The following ERN2 variants were observed in gnomAD, a reference collection of about 807,000 sequenced individuals.
ERN2 encodes serine/threonine-protein kinase/endoribonuclease IRE2.
In ERN2, 111 loss-of-function variants were observed where a neutral mutation model predicts 107.9. That is an observed-to-expected ratio of 1.03 (90% confidence interval 0.88 to 1.20). ERN2 has a LOEUF of 1.20. Among genes scored for constraint, ERN2 ranks in the 50% most tolerant of loss-of-function variants. The pLI is 0.00. For synonymous variants in ERN2, 524 were observed against 501.7 expected, an observed-to-expected ratio of 1.04 and a Z score of -0.59; for missense variants, 1,225 against 1,197.9, an observed-to-expected ratio of 1.02 and a Z score of -0.33.
At chr16:23,696,203 G>A (rs977278836) in intron 13 of ERN2, among the ~76,000 whole-genome samples, 24 of 152,264 alleles carry the variant, frequency 1.6e-4, no homozygotes, top group African/African-American at 5.1e-4. Flanking sequence ...CTGTGCCCTC[G>A]GTATTCTCAT....
At chr16:23,691,578 C>T (rs1347912914) in intron 19 of ERN2, among the ~76,000 whole-genome samples, 153 bp from the exon 20 acceptor site, 1 of 152,218 alleles carries the variant, frequency 6.6e-6, no homozygotes, top group African/African-American at 2.4e-5. Flanking sequence ...TGTTATTTAC[C>T]ACCAACCTAT....
intron 11 of ERN2, 74 bp from the exon 12 acceptor site, chr16:23,701,188 C>A: frequency 1.3e-6 from 2 of 1,514,586 alleles, no homozygotes; most frequent in Admixed American, 1.9e-5. Context: ...CATCACCCAG[C>A]ACAGAGCTGG....
intron 17 of ERN2, 32 bp from the exon 18 acceptor site, chr16:23,692,363 A>G (rs750262156): frequency 6.2e-7 from 1 of 1,605,464 alleles, no homozygotes; most frequent in Admixed American, 1.7e-5. Context: ...TGAGAAGGAA[A>G]TCTCTGCTTC....
chr16:23,705,103 C>T lies in ERN2; in HGVS notation c.634G>A (p.Val212Met), dbSNP rs201015165. ...ASCGMGLLLT[V>M]DPGSGTVLWT... Reference sequence around the variant, plus strand: ...AGCACCGTCCCGCTTCCTGGGTCCACAGTGAGCAGCAGGCCCATCCCGCAG... The same window carrying T: ...AGCACCGTCCCGCTTCCTGGGTCCATAGTGAGCAGCAGGCCCATCCCGCAG... The change falls in exon 8 of 22, where the codon GTG becomes ATG. Residue 212 changes from valine (V) to methionine (M), a missense_variant. By Grantham distance (21) the Val-to-Met change is conservative. Coordinates refer to ENST00000256797, the MANE Select transcript of ERN2 (RefSeq NM_033266.4). 1.2e-6 allele frequency: 2 copies of T among 1,613,854 alleles called. No homozygotes were observed. Among genetic ancestry groups the T allele is most frequent in the African/African-American group, 1.3e-5 (1 of 75,058 alleles).
At chr16:23,713,049 C>A in intron 1 of ERN2, 46 bp downstream of exon 1, 1 of 1,414,130 alleles carries the variant, frequency 7.1e-7, no homozygotes, top group East Asian at 2.7e-5. Flanking sequence ...CCCCCTGCGC[C>A]CCGCGACCAG....
In ERN2 at chr16:23,695,894, C is replaced by T. The variant is rs56176960; in HGVS notation, c.1610G>A (p.Arg537Gln). The T allele has an allele frequency of 1.4e-3, 2,278 of 1,613,474 alleles. 5 individuals carry two copies. The highest frequency in any genetic ancestry group is 1.6e-3 in the Non-Finnish European group (1,894 of 1,179,512). The part of the protein sequence containing the change: ...GRGAGGTFVF[R>Q]GQFEGRAVAV... The stretch of plus-strand genomic sequence containing the variant: ...AGCTTGGCTCCTGGCTGCCACTCAC[C>T]GGAAAACGAAAGTCCCGCCTGCCCC... Residue 537 changes from arginine to glutamine, a missense_variant and splice_region_variant, in exon 14 of 22, where the codon CGG becomes CAG. Transcript: ENST00000256797.
intron 4 of ERN2, among the ~76,000 whole-genome samples, chr16:23,708,621 G>A (rs1457251203): frequency 6.6e-6 from 1 of 152,114 alleles, no homozygotes; most frequent in Non-Finnish European, 1.5e-5. Flanking sequence ...GCCTCCCAAA[G>A]TGCTGGGATT....
Position 23,690,954 on chromosome 16 carries a change from G to A in ERN2, c.2658C>T (p.Phe886=). The change falls in exon 22 of 22, where the codon TTC becomes TTT. Residue 886 remains phenylalanine, a synonymous_variant. Coordinates refer to ENST00000256797, the MANE Select transcript of ERN2 (RefSeq NM_033266.4). ...GGTGCGTGTGGAGGAGCAGCCGTGG[G>A]AAGCGGTTTGTGAAGTACTGGACGA... The part of the protein sequence containing the change: ...DGFVQYFTNR[F]PRLLLHTHRA... 1 of 1,614,174 alleles carries A rather than the reference G, an allele frequency of 6.2e-7. No individual in the cohort carries two copies. Among genetic ancestry groups the A allele is most frequent in the Non-Finnish European group, 8.5e-7 (1 of 1,180,038 alleles).
chr16:23,706,231 G>C (rs982376214), intron 7 of ERN2, 99 bp downstream of exon 7: 4 of 814,128 alleles, frequency 4.9e-6, no homozygotes, highest in Non-Finnish European at 1.9e-6. Flanking sequence ...GAGGTCAAGT[G>C]GGTCGAAATG....
intron 7 of ERN2, 121 bp from the exon 8 acceptor site, chr16:23,705,268 A>G: frequency 9.0e-7 from 1 of 1,116,782 alleles, no homozygotes; most frequent in South Asian, 1.6e-5. Flanking sequence ...TTATCTGGAC[A>G]TGAGAATGTT....
chr16:23,705,137 G>C lies in ERN2; in HGVS notation c.600C>G (p.His200Gln). ...GCAGGCCCATCCCGCAGGACGCCAGGTGGCTCATGTCTGCCGAGAAAGGTG... is the reference window on the plus strand; with the variant it reads ...GCAGGCCCATCCCGCAGGACGCCAGCTGGCTCATGTCTGCCGAGAAAGGTG... ...MDGSPGKYMS[H>Q]LASCGMGLLL... is the part of the protein sequence containing the mutation. Residue 200 changes from histidine to glutamine, a missense_variant, in exon 8 of 22, where the codon CAC (histidine) becomes CAG (glutamine). Transcript: ENST00000256797. The C allele has an allele frequency of 6.2e-7, 1 of 1,611,858 alleles. No individual in the cohort carries two copies. Among genetic ancestry groups the C allele is most frequent in the Non-Finnish European group, 8.5e-7 (1 of 1,178,136 alleles).
rs1404247780 is a variant in ERN2 at position 23,710,061 on chromosome 16, A to G, written c.306+111T>C. 6.7e-6 allele frequency: 5 copies of G among 751,832 alleles called. No homozygotes were observed. The East Asian group carries it at 1.0e-4, about 15-fold the overall frequency. The allele number at this position is 751,832 out of a possible 1,614,324, so 46.6% of individuals were successfully genotyped here. ...CTCACAATGTGCTGAGTCCTGACTT[A>G]TATCCTCTGCAGAACAGGAGATACT... On this transcript the variant is annotated intron_variant, in intron 4 of 21. Transcript: ENST00000256797.
Position 23,692,349 on chromosome 16 carries a change from G to C in ERN2, c.2101-18C>G. 1 of 1,608,974 alleles carries C rather than the reference G, an allele frequency of 6.2e-7. No individual in the cohort carries two copies. Among genetic ancestry groups the C allele is most frequent in the Non-Finnish European group, 8.5e-7 (1 of 1,179,748 alleles). On this transcript the variant is annotated intron_variant, in intron 17 of 21. Coordinates refer to ENST00000256797, the MANE Select transcript of ERN2 (RefSeq NM_033266.4). ...GCGCTGGTCTGGAGCCAGAGAGATG[G>C]GCATGAGAAGGAAATCTCTGCTTCC...
Position 23,690,512 on chromosome 16 carries a change from T to C in ERN2, c.*319A>G. 4.2e-6 allele frequency: 2 copies of C among 471,584 alleles called. No homozygotes were observed. The highest frequency in any genetic ancestry group is 7.8e-6 in the Non-Finnish European group (2 of 256,356). 29.2% of individuals were successfully genotyped at this position (471,584 alleles called of 1,614,324 possible). A position where few individuals can be genotyped will look rare whatever the true frequency, so the allele number is the denominator to read the frequency against. On this transcript the variant is annotated 3_prime_UTR_variant, in exon 22 of 22. Coordinates refer to ENST00000256797, the MANE Select transcript of ERN2 (RefSeq NM_033266.4). The stretch of plus-strand genomic sequence containing the variant: ...CTCTGTGGACCAGGCTGGAGTGCAG[T>C]GGCATGATCCTGGCTCACTGCAGCC...
intron 7 of ERN2, chr16:23,706,125 G>A (rs1264752697): frequency 5.9e-6 from 3 of 510,628 alleles, no homozygotes. Context: ...GAGGTTGAGG[G>A]ATTGGCCAGG....
chr16:23,693,716 G>A (rs1959691817), intron 17 of ERN2, among the ~76,000 whole-genome samples: 1 of 152,156 alleles, frequency 6.6e-6, no homozygotes, highest in Non-Finnish European at 1.5e-5. Context: ...CTTTAGGAGT[G>A]GGGGCAGCCT....
In ERN2 at chr16:23,690,483, GTCTC is replaced by G. The variant is rs1567241510; in HGVS notation, c.*344_*347del. On this transcript the variant is annotated 3_prime_UTR_variant, in exon 22 of 22. Transcript: ENST00000256797. Reference sequence around the variant, plus strand: ...CTTGTGGGGGAAAGGGGGTGACAGTGTCTCTCTGTGGACCAGGCTGGAGTGCAGT... The same window carrying G: ...CTTGTGGGGGAAAGGGGGTGACAGTGTCTGTGGACCAGGCTGGAGTGCAGT... 1 of 461,956 alleles carries G rather than the reference GTCTC, an allele frequency of 2.2e-6. No homozygotes were observed. Among genetic ancestry groups the G allele is most frequent in the Non-Finnish European group, 4.0e-6 (1 of 251,258 alleles). 28.6% of individuals were successfully genotyped at this position (461,956 alleles called of 1,614,324 possible). A position where few individuals can be genotyped will look rare whatever the true frequency, so the allele number is the denominator to read the frequency against.
intron 4 of ERN2, chr16:23,707,343 A>C (rs1474361694): frequency 2.1e-6 from 1 of 465,332 alleles, no homozygotes; most frequent in Non-Finnish European, 4.0e-6. Context: ...CTCTTGAGGA[A>C]ATGCAGAAAT....
intron 4 of ERN2, among the ~76,000 whole-genome samples, chr16:23,708,709 G>A (rs74209120): frequency 1.3e-5 from 2 of 152,000 alleles, no homozygotes; most frequent in East Asian, 3.9e-4. Context: ...TTAAAAGTGG[G>A]TGGCACCTCC....
Sources: allele counts gnomAD v4.1 joint callset (sites outside exome capture counted in the v4.1 genomes callset), GRCh38; gene constraint gnomAD v4.1.1; transcripts MANE v1.5; gene names NCBI Gene and HGNC (gene_info 2026-07-23, HGNC 2026-07-21).